Variants in CSMD3 observed in about 807,000 individuals in gnomAD.
CSMD3 encodes CUB and sushi domain-containing protein 3.
Under a neutral mutation model 435.2 loss-of-function variants are expected in CSMD3, and 177 were observed. The ratio of observed to expected loss-of-function variants is 0.41; its 90% CI spans 0.36 to 0.46. The LOEUF (loss-of-function observed/expected upper bound fraction) is 0.46. Among genes scored for constraint, CSMD3 ranks in the 20% least tolerant of loss-of-function variants. The pLI, the probability that CSMD3 is intolerant of heterozygous loss-of-function variation, is 0.34. For synonymous variants in CSMD3, 1,656 were observed against 1,520.5 expected (o/e 1.09, Z -2.07); for missense variants, 4,265 against 4,504.6 (o/e 0.95, Z 1.52).
intron 38 of CSMD3, among the ~76,000 whole-genome samples, chr8:112,357,829 G>C (rs925574194): frequency 2.6e-5 from 4 of 152,184 alleles, no homozygotes. Flanking sequence ...GGCTCTCATG[G>C]AGAACATCTG....
chr8:112,631,391 T>C (rs2074509972), intron 22 of CSMD3, among the ~76,000 whole-genome samples: 1 of 152,032 alleles, frequency 6.6e-6, no homozygotes, highest in Non-Finnish European at 1.5e-5. Flanking sequence ...ACAGAAAAAG[T>C]TTGCCCACCC....
chr8:113,261,083 A>G (rs1351826803), intron 3 of CSMD3, among the ~76,000 whole-genome samples: 1 of 152,078 alleles, frequency 6.6e-6, no homozygotes, highest in Non-Finnish European at 1.5e-5. Flanking sequence ...GAATCTTTAC[A>G]GTTCTTGACA....
At position 113,394,863 on chromosome 8, in the gene CSMD3, T is replaced by A. The variant is rs558080239; in HGVS notation, c.178+41814A>T. On this transcript the variant is annotated intron_variant, in intron 1 of 70. Coordinates refer to ENST00000297405, the MANE Select transcript of CSMD3 (RefSeq NM_198123.2). ...TGTTAATAAGGTACTAGGAAGGATTTTGGGGAGGTTTAGCCTAAGATGTGA... is the reference window on the plus strand; with the variant it reads ...TGTTAATAAGGTACTAGGAAGGATTATGGGGAGGTTTAGCCTAAGATGTGA... Among the ~76,000 whole-genome samples the A allele has an allele frequency of 1.8e-4, 28 of 152,292 alleles. No homozygotes were observed. The South Asian group carries it at 5.8e-3, about 32-fold the overall frequency.
intron 22 of CSMD3, among the ~76,000 whole-genome samples, chr8:112,598,300 C>A (rs1428358154): frequency 6.8e-6 from 1 of 146,918 alleles, no homozygotes; most frequent in Admixed American, 6.9e-5. Flanking sequence ...ACCTAGGAAT[C>A]CAACTTACAA....
At chr8:113,349,665 T>C (rs1255239513) in intron 1 of CSMD3, among the ~76,000 whole-genome samples, 1 of 152,068 alleles carries the variant, frequency 6.6e-6, no homozygotes, top group African/African-American at 2.4e-5. Context: ...TATTAAATTG[T>C]CTTTCTGAGG....
Position 112,224,941 on chromosome 8 carries a change from G to A in CSMD3, c.10965-11C>T. The A allele has an allele frequency of 1.2e-6, 2 of 1,613,308 alleles. No individual in the cohort carries two copies. The highest frequency in any genetic ancestry group is 2.2e-5 in the East Asian group (1 of 44,866). Reference sequence around the variant, plus strand: ...GTTTTAGGTGCAGTCCTGTTGATGAGAACATTGATTAGCTATGTGTTAACT... The same window carrying A: ...GTTTTAGGTGCAGTCCTGTTGATGAAAACATTGATTAGCTATGTGTTAACT... On this transcript the variant is annotated splice_polypyrimidine_tract_variant and intron_variant, in intron 70 of 70. Coordinates refer to ENST00000297405, the MANE Select transcript of CSMD3 (RefSeq NM_198123.2).
At chr8:112,373,429 C>A (rs1828632128) in intron 38 of CSMD3, among the ~76,000 whole-genome samples, 1 of 152,072 alleles carries the variant, frequency 6.6e-6, no homozygotes, top group African/African-American at 2.4e-5. Context: ...TACACACACA[C>A]ACCACTCACA....
rs377345036 is a variant in CSMD3, at chr8:112,238,973, T to C, written c.10469-1625A>G. On this transcript the variant is annotated intron_variant, in intron 66 of 70. Coordinates refer to ENST00000297405, the MANE Select transcript of CSMD3 (RefSeq NM_198123.2). The stretch of plus-strand genomic sequence containing the variant: ...TGTAATGAACTTCAATCTAACTTAA[T>C]AGGTAGACAAGATTGAAAACCTAAT... Among the ~76,000 whole-genome samples, 274 of 152,138 alleles carry C rather than the reference T, an allele frequency of 1.8e-3. 1 individual carries two copies. The highest frequency in any genetic ancestry group is 6.4e-3 in the African/African-American group (266 of 41,528).
intron 6 of CSMD3, among the ~76,000 whole-genome samples, chr8:112,986,332 A>T (rs757950343): frequency 6.6e-6 from 1 of 152,170 alleles, no homozygotes; most frequent in Non-Finnish European, 1.5e-5. Context: ...AATTTTCTAC[A>T]TACCAAGTAA....
intron 38 of CSMD3, among the ~76,000 whole-genome samples, chr8:112,376,146 CT>C (rs1449367307): frequency 6.6e-6 from 1 of 152,100 alleles, no homozygotes; most frequent in Non-Finnish European, 1.5e-5. Context: ...TTATTTATTG[CT>C]TTTGGGTGAT....
intron 25 of CSMD3, among the ~76,000 whole-genome samples, chr8:112,555,599 T>C (rs1828044476): frequency 1.3e-5 from 2 of 152,030 alleles, no homozygotes; most frequent in African/African-American, 2.4e-5. Context: ...AGAACTGTGA[T>C]TGCATTTTAG....
intron 1 of CSMD3, among the ~76,000 whole-genome samples, chr8:113,422,204 T>C (rs990790312): frequency 2.6e-5 from 4 of 152,194 alleles, no homozygotes; most frequent in Non-Finnish European, 5.9e-5. Flanking sequence ...CATGTCCATA[T>C]GCACAGTAGA....
chr8:112,584,044 C>T (rs1378534373), intron 23 of CSMD3, among the ~76,000 whole-genome samples: 1 of 148,866 alleles, frequency 6.7e-6, no homozygotes, highest in Non-Finnish European at 1.5e-5. Flanking sequence ...AAATGTTTTA[C>T]AAAAAAAAAG....
chr8:113,306,815 A>C (rs1563678878), intron 2 of CSMD3, among the ~76,000 whole-genome samples: 1 of 152,170 alleles, frequency 6.6e-6, no homozygotes, highest in Non-Finnish European at 1.5e-5. Flanking sequence ...ACAATTACAC[A>C]AGTGGGAATT....
At chr8:112,393,582 CTCT>C (rs1830621054) in intron 35 of CSMD3, among the ~76,000 whole-genome samples, 2 of 152,146 alleles carry the variant, frequency 1.3e-5, no homozygotes, top group Non-Finnish European at 2.9e-5. Flanking sequence ...AAGATTCTAA[CTCT>C]TCTTCTTTGC....
At chr8:112,379,486 A>C (rs1829269652) in intron 38 of CSMD3, among the ~76,000 whole-genome samples, 1 of 152,108 alleles carries the variant, frequency 6.6e-6, no homozygotes, top group Admixed American at 6.6e-5. Context: ...AAACCAAAAA[A>C]CCTGAAAAGC....
intron 3 of CSMD3, among the ~76,000 whole-genome samples, chr8:113,225,335 C>T (rs138186195): frequency 1.1e-4 from 16 of 151,464 alleles, no homozygotes; most frequent in African/African-American, 3.9e-4. Context: ...TTCTCTTGTC[C>T]ACTAGTGTTA....
intron 8 of CSMD3, among the ~76,000 whole-genome samples, chr8:112,954,340 C>A (rs1308826434): frequency 6.6e-6 from 1 of 151,474 alleles, no homozygotes; most frequent in East Asian, 1.9e-4. Context: ...AGAATTCCTA[C>A]AAGAAACCAC....
chr8:113,243,502 G>A (rs1003134491), intron 3 of CSMD3, among the ~76,000 whole-genome samples: 1 of 151,886 alleles, frequency 6.6e-6, no homozygotes, highest in African/African-American at 2.4e-5. Context: ...TTTTAATCCA[G>A]TCATCAGTTG....
Sources: allele counts gnomAD v4.1 joint callset (sites outside exome capture counted in the v4.1 genomes callset), GRCh38; gene constraint gnomAD v4.1.1; transcripts MANE v1.5; gene names NCBI Gene and HGNC (gene_info 2026-07-23, HGNC 2026-07-21).